TTC17: variants seen among roughly 807,000 people sequenced by gnomAD.
The protein encoded by TTC17 is tetratricopeptide repeat domain 17, also known as tetratricopeptide repeat protein 17.
A neutral mutation model predicts 143.8 loss-of-function variants in TTC17; 58 were observed. That is an observed-to-expected ratio of 0.40 (90% confidence interval 0.33 to 0.50). The LOEUF (loss-of-function observed/expected upper bound fraction) is 0.50, where lower values mean the gene tolerates loss of function less well. Ranked by LOEUF, TTC17 falls within the 20% of genes least tolerant of loss-of-function variation. The pLI, the probability that TTC17 is intolerant of heterozygous loss-of-function variation, is 0.49. For missense variants in TTC17, 1,273 were observed against 1,392.5 expected, an observed-to-expected ratio of 0.91 and a Z score of 1.37; for synonymous variants, 501 against 497.8, an observed-to-expected ratio of 1.01 and a Z score of -0.09.
chr11:43,455,115 A>ATGCTTT (rs1947738438), intron 21 of TTC17, among the ~76,000 whole-genome samples: 1 of 151,526 alleles, frequency 6.6e-6, no homozygotes, highest in Non-Finnish European at 1.5e-5. Flanking sequence ...CTAACAATAT[A>ATGCTTT]AAAGCCCTCC....
At chr11:43,384,729 G>A (rs1857108668) in intron 2 of TTC17, among the ~76,000 whole-genome samples, 2 of 152,134 alleles carry the variant, frequency 1.3e-5, no homozygotes, top group Non-Finnish European at 2.9e-5. Flanking sequence ...ACTTCTCAGG[G>A]CTATTTCAAA....
At chr11:43,393,424 G>A (rs1857463649) in intron 5 of TTC17, among the ~76,000 whole-genome samples, 1 of 151,464 alleles carries the variant, frequency 6.6e-6, no homozygotes, top group Admixed American at 6.6e-5. Context: ...AGGGGGAAGG[G>A]GTGCACAGAG....
chr11:43,488,934 C>T (rs910326759), intron 21 of TTC17, among the ~76,000 whole-genome samples: 1 of 152,238 alleles, frequency 6.6e-6, no homozygotes, highest in Non-Finnish European at 1.5e-5. Context: ...TTGCCTTGGC[C>T]TCCCAATGCA....
chr11:43,388,072 C>T (rs2134514057), intron 2 of TTC17, among the ~76,000 whole-genome samples: 1 of 152,194 alleles, frequency 6.6e-6, no homozygotes, highest in South Asian at 2.1e-4. Context: ...CCATATGACC[C>T]CCATATTTCT....
chr11:43,380,351 G>C (rs1856918882), intron 2 of TTC17, among the ~76,000 whole-genome samples: 1 of 152,122 alleles, frequency 6.6e-6, no homozygotes, highest in African/African-American at 2.4e-5. Flanking sequence ...CACCTCCCCG[G>C]TTCAAGCCAT....
intron 18 of TTC17, among the ~76,000 whole-genome samples, chr11:43,444,744 C>G (rs1947503307): frequency 6.6e-6 from 1 of 151,762 alleles, no homozygotes; most frequent in Admixed American, 6.6e-5. Flanking sequence ...CACACACACA[C>G]ACACACACAC....
chr11:43,360,585 T>C (rs1856061089), intron 1 of TTC17, among the ~76,000 whole-genome samples: 1 of 152,224 alleles, frequency 6.6e-6, no homozygotes. Flanking sequence ...CTCTATGACA[T>C]TGACTTCTCC....
chr11:43,441,444 A>G (rs904772185), intron 16 of TTC17, among the ~76,000 whole-genome samples: 1 of 152,090 alleles, frequency 6.6e-6, no homozygotes, highest in Admixed American at 6.5e-5. Context: ...TATTTCATGT[A>G]TGTAGTTGTC....
chr11:43,444,290 T>G, intron 18 of TTC17, 81 bp downstream of exon 18: 1 of 1,429,894 alleles, frequency 7.0e-7, no homozygotes, highest in Non-Finnish European at 9.4e-7. Context: ...ATTTGTAACT[T>G]GAAATAGTTC....
chr11:43,437,062 A>G (rs529100660), intron 16 of TTC17, among the ~76,000 whole-genome samples: 3 of 151,890 alleles, frequency 2.0e-5, no homozygotes, highest in South Asian at 4.2e-4. Context: ...CTCCAGACCT[A>G]TATTTCAGCT....
chr11:43,410,839 A>C (rs540859227), intron 15 of TTC17, among the ~76,000 whole-genome samples: 37 of 152,274 alleles, frequency 2.4e-4, no homozygotes, highest in African/African-American at 8.9e-4. Flanking sequence ...CTTCCTTCAT[A>C]CCTTTCTCCT....
intron 15 of TTC17, among the ~76,000 whole-genome samples, chr11:43,411,470 A>T (rs936316686): frequency 8.3e-5 from 12 of 144,506 alleles, no homozygotes; most frequent in African/African-American, 3.1e-4. Flanking sequence ...TTCCTTCTAT[A>T]TTTTTCTCCG....
chr11:43,414,940 A>C (rs1421271369), intron 16 of TTC17, among the ~76,000 whole-genome samples, 164 bp downstream of exon 16: 1 of 152,194 alleles, frequency 6.6e-6, no homozygotes, highest in Non-Finnish European at 1.5e-5. Context: ...CTTACTATAG[A>C]TGCCTTAGGG....
chr11:43,384,413 T>G (rs1292963716), intron 2 of TTC17, among the ~76,000 whole-genome samples: 3 of 152,192 alleles, frequency 2.0e-5, no homozygotes, highest in Non-Finnish European at 2.9e-5. Context: ...CCCAGCACTC[T>G]GGGGGGTCGA....
intron 1 of TTC17, among the ~76,000 whole-genome samples, chr11:43,377,584 CACCTCA>C (rs1429574974): frequency 6.6e-6 from 1 of 152,162 alleles, no homozygotes; most frequent in Non-Finnish European, 1.5e-5. Flanking sequence ...CATTTGCTGT[CACCTCA>C]AAAAGAGAAA....
In TTC17 at chr11:43,444,040, T is replaced by A. The variant is rs752040870; in HGVS notation, c.2512-16T>A. On this transcript the variant is annotated splice_polypyrimidine_tract_variant and intron_variant, in intron 17 of 23. Coordinates refer to ENST00000039989, the MANE Select transcript of TTC17 (RefSeq NM_018259.6). ...TCACTGGTCTCATTTGTCCCTAACATGTTTCTGTTTCCCAGATTACATTCC... is the reference window on the plus strand; with the variant it reads ...TCACTGGTCTCATTTGTCCCTAACAAGTTTCTGTTTCCCAGATTACATTCC... 1 of 1,592,014 alleles carries A rather than the reference T, an allele frequency of 6.3e-7. No homozygotes were observed. The highest frequency in any genetic ancestry group is 8.5e-7 in the Non-Finnish European group (1 of 1,172,828).
intron 8 of TTC17, among the ~76,000 whole-genome samples, chr11:43,398,426 A>G (rs1279934828): frequency 2.6e-5 from 4 of 152,216 alleles, no homozygotes; most frequent in African/African-American, 7.2e-5. Flanking sequence ...TGGGATACTT[A>G]GTTGACTACT....
rs1857189271 is a variant in TTC17, at chr11:43,386,863, C to T, written c.250-2789C>T. Among the ~76,000 whole-genome samples the T allele has an allele frequency of 2.0e-5, 3 of 152,220 alleles. No individual in the cohort carries two copies. The South Asian group carries it at 6.2e-4, about 32-fold the overall frequency. On this transcript the variant is annotated intron_variant, in intron 2 of 23. Transcript: ENST00000039989. The stretch of plus-strand genomic sequence containing the variant: ...AAGCAGGTAGGATGATCATTGCTCA[C>T]TATAACCTCATTGCCTGGGCTCAAG...
chr11:43,437,107 CT>C (rs76041361), intron 16 of TTC17, among the ~76,000 whole-genome samples: 163 of 146,576 alleles, frequency 1.1e-3, no homozygotes, highest in Admixed American at 1.1e-3. Context: ...CTTATTTCTA[CT>C]TTTTTTTTTT....
Sources: gnomAD v4.1 joint callset for allele counts (sites outside exome capture counted in the v4.1 genomes callset) on GRCh38, gnomAD v4.1.1 for gene constraint, MANE v1.5 for transcripts, NCBI Gene and HGNC (gene_info 2026-07-23, HGNC 2026-07-21) for gene names.